Variants in SEMA3A observed in about 807,000 individuals in gnomAD.
The protein encoded by SEMA3A is semaphorin 3A, also known as semaphorin-3A.
In SEMA3A, 29 loss-of-function variants were observed where a neutral mutation model predicts 97.9. That is an observed-to-expected ratio of 0.30 (90% CI 0.22 to 0.40). SEMA3A has a LOEUF of 0.40. Ranked by LOEUF, SEMA3A falls within the 10% of genes least tolerant of loss-of-function variation. SEMA3A has a pLI of 1.00. For missense variants in SEMA3A, 763 were observed against 951.3 expected, an observed-to-expected ratio of 0.80 and a Z score of 2.60; for synonymous variants, 321 against 323.7, an observed-to-expected ratio of 0.99 and a Z score of 0.09.
chr7:84,149,943 G>T (rs1796577457), intron 1 of SEMA3A, among the ~76,000 whole-genome samples: 1 of 152,170 alleles, frequency 6.6e-6, no homozygotes, highest in African/African-American at 2.4e-5. Flanking sequence ...GCAACCAGAA[G>T]AGTCATGTAA....
At chr7:84,285,872 C>T (rs1320575421) in intron 3 of SEMA3A, among the ~76,000 whole-genome samples, 6 of 149,262 alleles carry the variant, frequency 4.0e-5, no homozygotes, top group Non-Finnish European at 7.4e-5. Context: ...TGGGGATGTC[C>T]AGGCTGCAGT....
rs147363449 is a variant in SEMA3A, at chr7:84,020,233, T to C, written c.668-5882A>G. ...CTGATTGTTGTATTTTTAGTAGAGA[T>C]AGGGTTTCACCATATTGACAAGGCT... On this transcript the variant is annotated intron_variant, in intron 6 of 16. Transcript: ENST00000265362. Among the ~76,000 whole-genome samples the C allele has an allele frequency of 8.4e-3, 1,270 of 151,462 alleles. 16 individuals are homozygous for C. Among genetic ancestry groups the C allele is most frequent in the African/African-American group, 0.029 (1,196 of 41,362 alleles).
chr7:84,419,345 T>C (rs2706913), intron 1 of SEMA3A, among the ~76,000 whole-genome samples: 21,484 of 152,098 alleles, frequency 0.14, 3,111 homozygotes, highest in African/African-American at 0.36. Context: ...CAATGTAGTA[T>C]ATCTTAAATG....
At chr7:84,257,688 A>G (rs1307171932) in intron 3 of SEMA3A, among the ~76,000 whole-genome samples, 1 of 152,170 alleles carries the variant, frequency 6.6e-6, no homozygotes, top group Non-Finnish European at 1.5e-5. Context: ...CTATGTGTGT[A>G]TTGGCTCTCT....
At chr7:84,207,261 G>T (rs541208192) in intron 3 of SEMA3A, among the ~76,000 whole-genome samples, 1 of 152,254 alleles carries the variant, frequency 6.6e-6, no homozygotes. Flanking sequence ...CCTGACTATT[G>T]TCATGGTTCC....
chr7:84,431,297 T>C (rs1804972705), intron 1 of SEMA3A, among the ~76,000 whole-genome samples: 1 of 152,046 alleles, frequency 6.6e-6, no homozygotes, highest in African/African-American at 2.4e-5. Flanking sequence ...CCCATGAATA[T>C]TGAAAGGGCA....
intron 1 of SEMA3A, among the ~76,000 whole-genome samples, chr7:84,428,629 A>C (rs1804888592): frequency 6.6e-6 from 1 of 151,952 alleles, no homozygotes; most frequent in Non-Finnish European, 1.5e-5. Flanking sequence ...TATAATTTAG[A>C]ATTATCTGTG....
intron 3 of SEMA3A, among the ~76,000 whole-genome samples, chr7:84,269,829 T>C (rs1181790904): frequency 6.6e-6 from 1 of 152,142 alleles, no homozygotes; most frequent in Non-Finnish European, 1.5e-5. Flanking sequence ...TTTAGTGTTT[T>C]TGGCATATGT....
chr7:84,151,459 C>A (rs1295383716), intron 1 of SEMA3A, among the ~76,000 whole-genome samples: 9 of 151,592 alleles, frequency 5.9e-5, no homozygotes, highest in Admixed American at 2.6e-4. Flanking sequence ...GCCTCAGGAG[C>A]CGATGCGATC....
At chr7:84,091,152 G>A (rs1794564173) in intron 4 of SEMA3A, among the ~76,000 whole-genome samples, 1 of 29,986 alleles carries the variant, frequency 3.3e-5, no homozygotes, top group Non-Finnish European at 6.4e-5. Context: ...AGGAAGGAAG[G>A]AAGGAAGGAA....
intron 1 of SEMA3A, among the ~76,000 whole-genome samples, chr7:84,445,695 A>C (rs868823588): frequency 2.0e-5 from 3 of 151,794 alleles, no homozygotes; most frequent in Middle Eastern, 3.4e-3. Context: ...CTATAAGCTG[A>C]AACTCATGGT....
intron 4 of SEMA3A, among the ~76,000 whole-genome samples, chr7:84,088,024 A>G (rs1229302746): frequency 6.6e-6 from 1 of 152,166 alleles, no homozygotes; most frequent in East Asian, 1.9e-4. Context: ...AAGTAACTGT[A>G]TTATACCAGT....
At chr7:84,436,519 A>C (rs1449035388) in intron 1 of SEMA3A, among the ~76,000 whole-genome samples, 1 of 152,194 alleles carries the variant, frequency 6.6e-6, no homozygotes, top group Admixed American at 6.5e-5. Flanking sequence ...CAATATGCAT[A>C]ACATTTTACT....
At position 84,140,399 on chromosome 7, in the gene SEMA3A, A is replaced by G. The variant is rs1010333508; in HGVS notation, c.113-5448T>C. Among the ~76,000 whole-genome samples, 3 of 152,224 alleles carry G rather than the reference A, an allele frequency of 2.0e-5. No individual in the cohort carries two copies. In the East Asian group the frequency reaches 5.8e-4, roughly 29 times the overall value. On this transcript the variant is annotated intron_variant, in intron 1 of 16. Coordinates refer to ENST00000265362, the MANE Select transcript of SEMA3A (RefSeq NM_006080.3). ...TATATTTGACCTTCAAATCCAGACA[A>G]TATCCACCCTGTTCTTTATATTTCT...
chr7:84,328,933 G>A (rs1801838635), intron 2 of SEMA3A, among the ~76,000 whole-genome samples: 1 of 151,940 alleles, frequency 6.6e-6, no homozygotes, highest in African/African-American at 2.4e-5. Flanking sequence ...TTTCCTAACA[G>A]AGGTCATTTT....
chr7:84,408,693 C>A (rs1221471469), intron 1 of SEMA3A, among the ~76,000 whole-genome samples: 1 of 136,704 alleles, frequency 7.3e-6, no homozygotes, highest in Non-Finnish European at 1.5e-5. Context: ...CACATATACA[C>A]CATGGAATAC....
At chr7:84,285,848 A>G (rs1800571200) in intron 3 of SEMA3A, among the ~76,000 whole-genome samples, 1 of 151,854 alleles carries the variant, frequency 6.6e-6, no homozygotes, top group Non-Finnish European at 1.5e-5. Context: ...CTGAGGCAGG[A>G]AGATCACCTG....
At chr7:84,469,721 T>C (rs1806099187) in intron 1 of SEMA3A, among the ~76,000 whole-genome samples, 2 of 152,088 alleles carry the variant, frequency 1.3e-5, no homozygotes, top group Admixed American at 6.5e-5. Context: ...GTGACATGGA[T>C]CAATTTCTAT....
rs533252572 is a variant in SEMA3A, at chr7:84,335,508, A to G, written c.-168-28216T>C. Among the ~76,000 whole-genome samples the G allele has an allele frequency of 5.9e-5, 9 of 152,314 alleles. No homozygotes were observed. In the South Asian group the frequency reaches 1.7e-3, roughly 28 times the overall value. The stretch of plus-strand genomic sequence containing the variant: ...AAGAGAGAGATCTATCTTAATATCT[A>G]TTACATACACACACAATATGTTTAG... On this transcript the variant is annotated intron_variant, in intron 2 of 3. Transcript: ENST00000424555.
Sources: allele counts gnomAD v4.1 joint callset (sites outside exome capture counted in the v4.1 genomes callset), GRCh38; gene constraint gnomAD v4.1.1; transcripts MANE v1.5; gene names NCBI Gene and HGNC (gene_info 2026-07-23, HGNC 2026-07-21).